SPATS2: variants seen among roughly 807,000 people sequenced by gnomAD.
SPATS2 encodes the protein spermatogenesis associated serine rich 2.
In SPATS2, 38 loss-of-function variants were observed where a neutral mutation model predicts 63.7. That is an observed-to-expected ratio of 0.60 (90% confidence interval 0.46 to 0.78). SPATS2 has a LOEUF of 0.78. SPATS2 is among the 30% of genes least tolerant of loss of function. The pLI, the probability that SPATS2 is intolerant of heterozygous loss-of-function variation, is 0.00. For synonymous variants in SPATS2, 207 were observed against 232.9 expected (o/e 0.89, Z 1.01); for missense variants, 588 against 666.2 (o/e 0.88, Z 1.29).
intron 3 of SPATS2, among the ~76,000 whole-genome samples, chr12:49,481,285 G>T (rs1020408568): frequency 6.6e-6 from 1 of 151,860 alleles, no homozygotes; most frequent in African/African-American, 2.4e-5. Context: ...GCTTGAACCC[G>T]GGAAGCGGAG....
intron 11 of SPATS2, among the ~76,000 whole-genome samples, chr12:49,520,203 CTCTCAACCTCAGGTGA>C (rs569077300): frequency 1.9e-3 from 294 of 152,248 alleles, no homozygotes; most frequent in African/African-American, 6.7e-3. Flanking sequence ...TGGTCTCAAA[CTCTCAACCTCAGGTGA>C]TCTGCCTGCC....
intron 2 of SPATS2, among the ~76,000 whole-genome samples, chr12:49,410,928 A>T (rs1470957237): frequency 6.6e-6 from 1 of 150,448 alleles, no homozygotes; most frequent in East Asian, 1.9e-4. Flanking sequence ...TGTTCCTGAC[A>T]CTTTTAGTTT....
chr12:49,454,804 T>C (rs1412307685), intron 2 of SPATS2, among the ~76,000 whole-genome samples: 1 of 150,488 alleles, frequency 6.6e-6, no homozygotes, highest in East Asian at 2.0e-4. Context: ...CATCTGAGCC[T>C]GGGAGGTGGA....
chr12:49,498,147 T>TA (rs1474436208), intron 8 of SPATS2, among the ~76,000 whole-genome samples: 1 of 96,154 alleles, frequency 1.0e-5, no homozygotes, highest in Admixed American at 9.0e-5. Flanking sequence ...AAAAAAAAAA[T>TA]ATATATATAT....
At chr12:49,511,803 C>T in intron 9 of SPATS2, among the ~76,000 whole-genome samples, 1 of 152,178 alleles carries the variant, frequency 6.6e-6, no homozygotes, top group East Asian at 1.9e-4. Context: ...ATGTTGTTAT[C>T]CTTACACCTA....
chr12:49,519,252 C>A (rs1946898754), intron 11 of SPATS2, 70 bp downstream of exon 11: 2 of 1,241,304 alleles, frequency 1.6e-6, no homozygotes, highest in Non-Finnish European at 1.1e-6. Flanking sequence ...TTTCATAATT[C>A]ATGGCCATAT....
chr12:49,429,590 C>T (rs1945142708), intron 2 of SPATS2, among the ~76,000 whole-genome samples: 1 of 151,564 alleles, frequency 6.6e-6, no homozygotes, highest in Non-Finnish European at 1.5e-5. Context: ...GGGTTACAAG[C>T]ATGTGCCACC....
rs763804745 is a variant in SPATS2, at chr12:49,385,843, G to GTTT, written c.-244+14554_-244+14556dup. Among the ~76,000 whole-genome samples the GTTT allele has an allele frequency of 2.5e-3, 337 of 132,618 alleles. 1 individual carries two copies. Among genetic ancestry groups the GTTT allele is most frequent in the African/African-American group, 9.9e-3 (321 of 32,536 alleles). The allele number at this position is 132,618 out of a possible 152,430, so 87.0% of individuals were successfully genotyped here. ...TTTTGTGGGGTTTTTTTTGTTTTTT[G>GTTT]TTTGTTTGTTTGTTTGTTTGTTTGT... On this transcript the variant is annotated intron_variant, in intron 2 of 13. Transcript: ENST00000552918.
At chr12:49,439,811 A>G (rs545323104) in intron 2 of SPATS2, among the ~76,000 whole-genome samples, 1 of 152,298 alleles carries the variant, frequency 6.6e-6, no homozygotes, top group Non-Finnish European at 1.5e-5. Context: ...TGCCAGGAAC[A>G]CCTGGCGTCT....
intron 2 of SPATS2, among the ~76,000 whole-genome samples, chr12:49,429,379 A>G (rs754134786): frequency 6.6e-6 from 1 of 152,202 alleles, no homozygotes; most frequent in African/African-American, 2.4e-5. Flanking sequence ...AATTGGTGCC[A>G]GTGGTGCCAA....
chr12:49,406,121 A>T (rs1944691275), intron 2 of SPATS2, among the ~76,000 whole-genome samples: 1 of 151,490 alleles, frequency 6.6e-6, no homozygotes, highest in African/African-American at 2.4e-5. Context: ...AAAATTAGCT[A>T]GTCATGGTGG....
chr12:49,507,209 G>C (rs1045780499), intron 9 of SPATS2, among the ~76,000 whole-genome samples: 1 of 152,128 alleles, frequency 6.6e-6, no homozygotes, highest in Admixed American at 6.5e-5. Flanking sequence ...TCAGAGTAGC[G>C]GGAAAGGTTT....
intron 2 of SPATS2, among the ~76,000 whole-genome samples, chr12:49,428,320 T>C (rs1175708667): frequency 6.6e-6 from 1 of 152,136 alleles, no homozygotes; most frequent in African/African-American, 2.4e-5. Flanking sequence ...ACATGACGTT[T>C]ACCATTTTAA....
chr12:49,444,096 G>A (rs1029024034), intron 2 of SPATS2, among the ~76,000 whole-genome samples: 1 of 152,128 alleles, frequency 6.6e-6, no homozygotes. Context: ...CATGAATATG[G>A]AATGTGTCTC....
At chr12:49,431,758 T>C (rs928981349) in intron 2 of SPATS2, among the ~76,000 whole-genome samples, 1 of 152,106 alleles carries the variant, frequency 6.6e-6, no homozygotes, top group Non-Finnish European at 1.5e-5. Flanking sequence ...CTAGGGTGGG[T>C]GTGATAGCTC....
intron 12 of SPATS2, 129 bp from the exon 13 acceptor site, chr12:49,524,553 T>C (rs1235204345): frequency 4.3e-6 from 4 of 940,680 alleles, no homozygotes; most frequent in Non-Finnish European, 6.3e-6. Context: ...ACCAGTTTTA[T>C]AGGTTTTTCT....
upstream of SPATS2, chr12:49,366,899 G>T (rs965458323): frequency 6.6e-6 from 1 of 151,916 alleles, no homozygotes; most frequent in Non-Finnish European, 1.5e-5. Flanking sequence ...CGCGCGCCGG[G>T]TCCCTAACCG....
chr12:49,451,358 CA>C (rs1945620160), intron 2 of SPATS2, among the ~76,000 whole-genome samples: 1 of 151,948 alleles, frequency 6.6e-6, no homozygotes, highest in Admixed American at 6.6e-5. Flanking sequence ...TCTTATAGCC[CA>C]ATTTAACTAA....
At chr12:49,473,276 C>T (rs1344063207) in intron 3 of SPATS2, among the ~76,000 whole-genome samples, 5 of 152,008 alleles carry the variant, frequency 3.3e-5, no homozygotes, top group African/African-American at 7.2e-5. Flanking sequence ...ATTAGCTGGA[C>T]GTGGTAACAT....
Sources: allele counts gnomAD v4.1 joint callset (sites outside exome capture counted in the v4.1 genomes callset), GRCh38; gene constraint gnomAD v4.1.1; transcripts MANE v1.5; gene names NCBI Gene and HGNC (gene_info 2026-07-23, HGNC 2026-07-21).